The following GRIK5 variants were observed in gnomAD, a reference collection of about 807,000 sequenced individuals.
The protein encoded by GRIK5 is glutamate ionotropic receptor kainate type subunit 5, also known as glutamate receptor ionotropic, kainate 5.
A neutral mutation model predicts 97.4 loss-of-function variants in GRIK5; 43 were observed. The observed-to-expected ratio is 0.44, with a 90% CI of 0.35 to 0.57. GRIK5 has a LOEUF of 0.57. Ranked by LOEUF, GRIK5 falls within the 20% of genes least tolerant of loss-of-function variation. GRIK5 has a pLI of 0.01. For synonymous variants in GRIK5, 580 were observed against 583.5 expected (o/e 0.99, Z 0.09); for missense variants, 1,015 against 1,382.0 (o/e 0.73, Z 4.21).
chr19:42,036,053 A>G (rs1331937448), intron 12 of GRIK5, among the ~76,000 whole-genome samples: 1 of 151,994 alleles, frequency 6.6e-6, no homozygotes, highest in African/African-American at 2.4e-5. Flanking sequence ...GACTTTATTT[A>G]TTTATTTATT....
intron 12 of GRIK5, among the ~76,000 whole-genome samples, chr19:42,028,920 C>G (rs2075804392): frequency 6.6e-6 from 1 of 152,212 alleles, no homozygotes; most frequent in South Asian, 2.1e-4. Flanking sequence ...GCTGAAAATA[C>G]TTACACTCTT....
chr19:42,009,273 C>G (rs942934585), intron 15 of GRIK5, among the ~76,000 whole-genome samples: 5 of 151,922 alleles, frequency 3.3e-5, no homozygotes, highest in Admixed American at 6.6e-5. Context: ...GAGTCTCGCT[C>G]TGTCCCAAGC....
chr19:42,059,438 T>C lies in GRIK5; in HGVS notation c.598A>G (p.Thr200Ala). 1 of 1,613,764 alleles carries C rather than the reference T, an allele frequency of 6.2e-7. No individual in the cohort carries two copies. The highest frequency in any genetic ancestry group is 8.5e-7 in the Non-Finnish European group (1 of 1,179,918). Residue 200 changes from threonine to alanine, a missense_variant, in exon 6 of 20, where the codon ACA becomes GCA. This residue lies in a region of GRIK5 where 477 missense variants were observed against 701.1 expected (regional missense o/e 0.68). Transcript: ENST00000593562. ...VRMLDDSRDP[T>A]PLLKEIRDDK... The stretch of plus-strand genomic sequence containing the variant: ...TCACGGATCTCCTTGAGCAGTGGTG[T>C]GGGGTCCCGGCTGTCGTCCAACATC...
At chr19:42,010,100 GA>G (rs1412438605) in intron 15 of GRIK5, among the ~76,000 whole-genome samples, 6 of 149,066 alleles carry the variant, frequency 4.0e-5, no homozygotes, top group African/African-American at 1.5e-4. Context: ...AGAATTTGAA[GA>G]ACTGCAATAG....
At chr19:42,035,590 ATCC>A (rs2075893965) in intron 12 of GRIK5, among the ~76,000 whole-genome samples, 1 of 152,006 alleles carries the variant, frequency 6.6e-6, no homozygotes, top group Admixed American at 6.6e-5. Flanking sequence ...GGCGCCTGTA[ATCC>A]CAGCTACTTG....
chr19:42,068,655 G>A (rs909583057), intron 1 of GRIK5: 6 of 430,310 alleles, frequency 1.4e-5, no homozygotes, highest in African/African-American at 1.0e-4. Flanking sequence ...GGGAGACTTG[G>A]AAAGAGGGAA....
In GRIK5 at chr19:41,998,921, G is replaced by C; in HGVS notation, c.2893C>G (p.Arg965Gly). The C allele has an allele frequency of 8.9e-7, 1 of 1,125,066 alleles. No individual in the cohort carries two copies. Among genetic ancestry groups the C allele is most frequent in the Non-Finnish European group, 1.1e-6 (1 of 920,130 alleles). 69.7% of individuals were successfully genotyped at this position (1,125,066 alleles called of 1,614,324 possible). The stretch of plus-strand genomic sequence containing the variant: ...GGGCCGGCGGGGCCAGGCCGCGGCC[G>C]GGGCGGGCTGGTGGCTTCGGCGGGG... ...GVPAEATSPPRPRPGPAGPRE... is the reference protein window; with the variant it reads ...GVPAEATSPPGPRPGPAGPRE... Residue 965 changes from arginine to glycine, a missense_variant, in exon 20 of 20, where the codon CGG becomes GGG. Arg to Gly is a moderately radical substitution (Grantham distance 125, BLOSUM62 -2). Coordinates refer to ENST00000593562, the MANE Select transcript of GRIK5 (RefSeq NM_002088.5).
At position 41,999,304 on chromosome 19, in the gene GRIK5, G is replaced by A; in HGVS notation, c.2515-5C>T. On this transcript the variant is annotated splice_region_variant and splice_polypyrimidine_tract_variant and intron_variant, in intron 19 of 19. Coordinates refer to ENST00000593562, the MANE Select transcript of GRIK5 (RefSeq NM_002088.5). This position sits in a 1 kb window ranked among gnomAD's most constrained non-coding sequence, Gnocchi z 5.0. The stretch of plus-strand genomic sequence containing the variant: ...CATCTCCTGGCACACCGACACCTGG[G>A]GGTGGCGCGGGCGGTCACCGTCCCG... The A allele has an allele frequency of 1.3e-6, 2 of 1,510,832 alleles. No individual in the cohort carries two copies. The highest frequency in any genetic ancestry group is 5.4e-5 in the East Asian group (2 of 36,848). The allele number at this position is 1,510,832 out of a possible 1,614,324, so 93.6% of individuals were successfully genotyped here. A position where few individuals can be genotyped will look rare whatever the true frequency, so the allele number is the denominator to read the frequency against.
chr19:42,008,146 T>C (rs1294001909), intron 15 of GRIK5, among the ~76,000 whole-genome samples: 1 of 151,892 alleles, frequency 6.6e-6, no homozygotes, highest in Non-Finnish European at 1.5e-5. Flanking sequence ...GCTTCCTGAG[T>C]AGTTGGGATT....
At chr19:42,053,520 A>C in intron 11 of GRIK5, 82 bp downstream of exon 11, 1 of 858,000 alleles carries the variant, frequency 1.2e-6, no homozygotes, top group Non-Finnish European at 2.0e-6. Flanking sequence ...GTGCCAGCCA[A>C]TGCATCCCTC....
intron 12 of GRIK5, among the ~76,000 whole-genome samples, chr19:42,041,558 C>T (rs1241037346): frequency 6.6e-6 from 1 of 152,112 alleles, no homozygotes; most frequent in Non-Finnish European, 1.5e-5. Flanking sequence ...AGAGAAATGA[C>T]ACTTAAGGAT....
At position 42,008,111 on chromosome 19, in the gene GRIK5, G is replaced by A. The variant is rs973692938; in HGVS notation, c.1872-1301C>T. ...CAGTGGTGTGATCTTGGCCACTCCCGGGTTCAAGTGATTCTCCCGCCTCAG... is the reference window on the plus strand; with the variant it reads ...CAGTGGTGTGATCTTGGCCACTCCCAGGTTCAAGTGATTCTCCCGCCTCAG... On this transcript the variant is annotated intron_variant, in intron 15 of 19. Coordinates refer to ENST00000593562, the MANE Select transcript of GRIK5 (RefSeq NM_002088.5). Among the ~76,000 whole-genome samples the A allele has an allele frequency of 4.0e-5, 6 of 151,766 alleles. No homozygotes were observed. The East Asian group carries it at 7.8e-4, about 20-fold the overall frequency.
intron 11 of GRIK5, among the ~76,000 whole-genome samples, chr19:42,050,565 G>T (rs1391312682): frequency 6.6e-6 from 1 of 150,762 alleles, no homozygotes; most frequent in African/African-American, 2.4e-5. Flanking sequence ...CACTGAGGCA[G>T]AAGAATGGTG....
rs1347294054 is a variant in GRIK5 at position 42,042,377 on chromosome 19, C to T, written c.1473+175G>A. 1.3e-5 allele frequency among the ~76,000 whole-genome samples: 2 copies of T among 152,224 alleles called. No homozygotes were observed. The highest frequency in any genetic ancestry group is 4.8e-5 in the African/African-American group (2 of 41,456). ...CTCCTCTGTCCCATCCCACAGCACC[C>T]GCCAGGCACAGGCATACAGCGCAAC... On this transcript the variant is annotated intron_variant, in intron 12 of 19. Transcript: ENST00000593562. The surrounding 1 kb of genome is among the most constrained non-coding windows in gnomAD (Gnocchi z 6.9).
intron 17 of GRIK5, among the ~76,000 whole-genome samples, chr19:42,004,629 C>A (rs1295649098): frequency 2.0e-5 from 3 of 152,096 alleles, no homozygotes; most frequent in African/African-American, 7.2e-5. Flanking sequence ...ACTGAGATTT[C>A]TTCCTTTCTT....
chr19:42,003,305 G>GGGCCCCCCC lies in GRIK5; in HGVS notation c.2514+26_2514+27insGGGGGGGCC. 60 of 1,540,678 alleles carry GGGCCCCCCC rather than the reference G, an allele frequency of 3.9e-5. No homozygotes were observed. The highest frequency in any genetic ancestry group is 5.2e-5 in the Non-Finnish European group (58 of 1,118,146). On this transcript the variant is annotated intron_variant, in intron 19 of 19. Coordinates refer to ENST00000593562, the MANE Select transcript of GRIK5 (RefSeq NM_002088.5). The surrounding 1 kb of genome is among the most constrained non-coding windows in gnomAD (Gnocchi z 4.2). Reference sequence around the variant, plus strand: ...TCAGCCCCTGGGGGTCCCTGTTCCTGCCCACCCCCACCCCCAGCCTCCTCA... The same window carrying GGGCCCCCCC: ...TCAGCCCCTGGGGGTCCCTGTTCCTGGGCCCCCCCCCCACCCCCACCCCCAGCCTCCTCA...
rs1191255975 is a variant in GRIK5, at chr19:42,065,667, G to A, written c.79+25C>T. On this transcript the variant is annotated intron_variant, in intron 2 of 19. Transcript: ENST00000593562. This position sits in a 1 kb window ranked among gnomAD's most constrained non-coding sequence, Gnocchi z 5.8. ...AGGAGCCCCAGGGCCTGAGGATGCA[G>A]GGGCAGGGTGCGGGAGGGCCTCACC... 5.2e-6 allele frequency: 8 copies of A among 1,545,654 alleles called. No individual in the cohort carries two copies. The highest frequency in any genetic ancestry group is 2.2e-4 in the Middle Eastern group (1 of 4,612).
At chr19:42,038,857 G>A (rs1186991759) in intron 12 of GRIK5, among the ~76,000 whole-genome samples, 4 of 152,180 alleles carry the variant, frequency 2.6e-5, no homozygotes, top group Non-Finnish European at 5.9e-5. Flanking sequence ...CGGCACACTC[G>A]GCTATCCCAC....
intron 12 of GRIK5, among the ~76,000 whole-genome samples, chr19:42,026,766 C>T (rs764187239): frequency 2.0e-5 from 3 of 151,210 alleles, no homozygotes; most frequent in Admixed American, 6.6e-5. Flanking sequence ...AGGGGTTTCG[C>T]CATGTTGCCC....
Sources: gnomAD v4.1 joint callset for allele counts (sites outside exome capture counted in the v4.1 genomes callset) on GRCh38, gnomAD v4.1.1 for gene constraint, gnomAD v4.1.1 regional missense constraint, Gnocchi (gnomAD v3.1) non-coding constraint, MANE v1.5 for transcripts, NCBI Gene and HGNC (gene_info 2026-07-23, HGNC 2026-07-21) for gene names.